Variants in LRRC4C observed in about 807,000 individuals in gnomAD.
LRRC4C encodes leucine rich repeat containing 4C.
LRRC4C carries 5 observed loss-of-function variants against 33.6 expected under a neutral mutation model. That is an observed-to-expected ratio of 0.15 (90% CI 0.08 to 0.31). The LOEUF is 0.31. LRRC4C is among the 10% of genes least tolerant of loss of function. LRRC4C has a pLI of 1.00. For missense variants in LRRC4C, 560 were observed against 796.7 expected (o/e 0.70, Z 3.58); for synonymous variants, 329 against 302.0 (o/e 1.09, Z -0.93).
chr11:40,652,155 T>G (rs575139804), intron 2 of LRRC4C, among the ~76,000 whole-genome samples: 1 of 152,326 alleles, frequency 6.6e-6, no homozygotes, highest in South Asian at 2.1e-4. Context: ...ATGCCACGGC[T>G]GCAAGCTGAA....
At chr11:40,578,545 T>TTC (rs367604858) in intron 3 of LRRC4C, among the ~76,000 whole-genome samples, 2 of 151,410 alleles carry the variant, frequency 1.3e-5, no homozygotes, top group African/African-American at 4.8e-5. Context: ...ACCTGTCTCT[T>TTC]TCTCTCTCTC....
At chr11:40,170,413 T>C (rs1411173185) in intron 5 of LRRC4C, among the ~76,000 whole-genome samples, 2 of 151,924 alleles carry the variant, frequency 1.3e-5, no homozygotes, top group Admixed American at 1.3e-4. Context: ...AATCAAGGCC[T>C]CCAAATTACA....
intron 1 of LRRC4C, among the ~76,000 whole-genome samples, chr11:41,226,784 C>T (rs1264522004): frequency 1.6e-5 from 2 of 124,418 alleles, no homozygotes; most frequent in South Asian, 2.4e-4. Flanking sequence ...ACACCCTTCT[C>T]TCTACGTGTA....
At chr11:40,745,221 G>A (rs954543770) in intron 2 of LRRC4C, among the ~76,000 whole-genome samples, 2 of 151,988 alleles carry the variant, frequency 1.3e-5, no homozygotes, top group Non-Finnish European at 2.9e-5. Context: ...CACTTCCATC[G>A]GGAAAATACT....
chr11:40,994,369 C>T lies in LRRC4C; in HGVS notation c.-495-60646G>A, dbSNP rs572003744. Among the ~76,000 whole-genome samples, 18 of 152,210 alleles carry T rather than the reference C, an allele frequency of 1.2e-4. No homozygotes were observed. In the South Asian group the frequency reaches 3.5e-3, roughly 30 times the overall value. ...CTGACGGAGAGTTGGCAATACTCTA[C>T]CTAGAAGCATAAACACTGGCTGAAC... On this transcript the variant is annotated intron_variant, in intron 1 of 6. Transcript: ENST00000528697.
At chr11:40,782,577 T>C (rs1191612306) in intron 2 of LRRC4C, among the ~76,000 whole-genome samples, 1 of 152,148 alleles carries the variant, frequency 6.6e-6, no homozygotes, top group Non-Finnish European at 1.5e-5. Context: ...GAGTTTCCTA[T>C]TGTAATTAAG....
At chr11:41,242,797 A>G (rs1172154414) in intron 1 of LRRC4C, among the ~76,000 whole-genome samples, 2 of 152,156 alleles carry the variant, frequency 1.3e-5, no homozygotes, top group African/African-American at 4.8e-5. Flanking sequence ...TAGTTCACCA[A>G]TTCCAATTAT....
chr11:40,359,284 A>G (rs568252535), intron 3 of LRRC4C, among the ~76,000 whole-genome samples: 1 of 152,326 alleles, frequency 6.6e-6, no homozygotes, highest in Non-Finnish European at 1.5e-5. Flanking sequence ...TGTGCCAGAG[A>G]CAAAGCCTCT....
rs1049149240 is a variant in LRRC4C at position 41,139,531 on chromosome 11, G to A, written c.-495-205808C>T. Among the ~76,000 whole-genome samples the A allele has an allele frequency of 2.0e-5, 3 of 152,162 alleles. No homozygotes were observed. The South Asian group carries it at 6.2e-4, about 32-fold the overall frequency. ...ATGGTGGTAAATGGCAAGTGAGAAA[G>A]CGTAAATTTAGGAGAAAACTAGAAT... On this transcript the variant is annotated intron_variant, in intron 1 of 6. Transcript: ENST00000528697.
intron 6 of LRRC4C, among the ~76,000 whole-genome samples, chr11:40,116,639 A>T (rs1019128447): frequency 6.6e-6 from 1 of 152,180 alleles, no homozygotes; most frequent in African/African-American, 2.4e-5. Flanking sequence ...CATATAATAC[A>T]TACCCTACCA....
In LRRC4C at chr11:41,279,426, A is replaced by ACCCC. The variant is rs758334311; in HGVS notation, c.-496+180004_-496+180005insGGGG. ...CACACACACACACACACACACACACACACCGTGGCAATCACTGCCTGCAAT... is the reference window on the plus strand; with the variant it reads ...CACACACACACACACACACACACACACCCCCACCGTGGCAATCACTGCCTGCAAT... On this transcript the variant is annotated intron_variant, in intron 1 of 6. Coordinates refer to ENST00000528697, the MANE Select transcript of LRRC4C (RefSeq NM_001258419.2). 3.0e-3 allele frequency among the ~76,000 whole-genome samples: 345 copies of ACCCC among 113,248 alleles called. 10 individuals carry two copies. In the East Asian group the frequency reaches 0.035, roughly 11 times the overall value. The allele number at this position is 113,248 out of a possible 152,430, so 74.3% of individuals were successfully genotyped here.
At chr11:41,303,088 C>T (rs373022780) in intron 1 of LRRC4C, among the ~76,000 whole-genome samples, 37 of 83,892 alleles carry the variant, frequency 4.4e-4, no homozygotes, top group Admixed American at 5.8e-4. Flanking sequence ...AGTCCCTCTC[C>T]CTCTCCCTCT....
rs1012970194 is a variant in LRRC4C at position 40,411,220 on chromosome 11, C to T, written c.-269-91499G>A. On this transcript the variant is annotated intron_variant, in intron 3 of 6. Transcript: ENST00000528697. ...AGACATCTGGAGCATTAAAAGATAACAAAATGTGTGGCAAAATTGTTACTG... is the reference window on the plus strand; with the variant it reads ...AGACATCTGGAGCATTAAAAGATAATAAAATGTGTGGCAAAATTGTTACTG... 8.5e-5 allele frequency among the ~76,000 whole-genome samples: 13 copies of T among 152,098 alleles called. No homozygotes were observed. In the East Asian group the frequency reaches 1.5e-3, roughly 18 times the overall value.
chr11:40,714,446 C>G (rs896710230), intron 2 of LRRC4C, among the ~76,000 whole-genome samples: 1 of 152,172 alleles, frequency 6.6e-6, no homozygotes, highest in Non-Finnish European at 1.5e-5. Context: ...TGACTTCAGT[C>G]CCATTTGGCC....
intron 2 of LRRC4C, among the ~76,000 whole-genome samples, chr11:40,856,845 A>G (rs1260059844): frequency 1.3e-5 from 2 of 152,128 alleles, no homozygotes; most frequent in South Asian, 2.1e-4. Context: ...ATCACATTCT[A>G]GTGTTTTTAT....
At chr11:40,775,314 G>T (rs1214231968) in intron 2 of LRRC4C, among the ~76,000 whole-genome samples, 1 of 152,044 alleles carries the variant, frequency 6.6e-6, no homozygotes, top group Non-Finnish European at 1.5e-5. Flanking sequence ...GGAGGCTGAG[G>T]CAGGGGAATG....
At chr11:40,153,957 G>C (rs989041659) in intron 5 of LRRC4C, among the ~76,000 whole-genome samples, 1 of 152,130 alleles carries the variant, frequency 6.6e-6, no homozygotes. Flanking sequence ...ATTACAAAAA[G>C]ATGTTTGCCT....
At chr11:40,981,508 C>A (rs935708226) in intron 1 of LRRC4C, among the ~76,000 whole-genome samples, 1 of 152,168 alleles carries the variant, frequency 6.6e-6, no homozygotes, top group Admixed American at 6.5e-5. Flanking sequence ...TACACTAGAG[C>A]CTCACTACCA....
chr11:41,439,452 C>T (rs931538035), intron 1 of LRRC4C, among the ~76,000 whole-genome samples: 7 of 152,148 alleles, frequency 4.6e-5, no homozygotes, highest in Admixed American at 2.0e-4. Flanking sequence ...AATCTCCATA[C>T]TGTTTTTCAC....
Sources: gnomAD v4.1 joint callset for allele counts (sites outside exome capture counted in the v4.1 genomes callset) on GRCh38, gnomAD v4.1.1 for gene constraint, MANE v1.5 for transcripts, NCBI Gene and HGNC (gene_info 2026-07-23, HGNC 2026-07-21) for gene names.